Variants in TTC31 observed in about 807,000 individuals in gnomAD.
TTC31 encodes the protein tetratricopeptide repeat domain 31, also known as tetratricopeptide repeat protein 31.
A neutral mutation model predicts 60.4 loss-of-function variants in TTC31; 59 were observed. The observed-to-expected ratio is 0.98, with a 90% CI of 0.79 to 1.21. The LOEUF is 1.21. Ranked by LOEUF, TTC31 falls within the 50% of genes most tolerant of loss-of-function variation. TTC31 has a pLI of 0.00. For synonymous variants in TTC31, 225 were observed against 249.6 expected (o/e 0.90, Z 0.93); for missense variants, 672 against 646.9 (o/e 1.04, Z -0.42).
intron 1 of TTC31, 46 bp downstream of exon 1, chr2:74,483,181 AG>A (rs1375549943): frequency 6.2e-7 from 1 of 1,613,684 alleles, no homozygotes; most frequent in Non-Finnish European, 8.5e-7. Flanking sequence ...GGGCAGAGGC[AG>A]CCCCTCTTGG....
intron 5 of TTC31, 185 bp downstream of exon 5, chr2:74,490,924 C>T (rs1239374437): frequency 5.6e-6 from 5 of 885,970 alleles, no homozygotes; most frequent in Non-Finnish European, 8.7e-6. Context: ...GTTCTGGAAT[C>T]CTACTGTGCT....
At chr2:74,483,601 T>G in intron 2 of TTC31, 191 bp downstream of exon 2, 1 of 1,453,004 alleles carries the variant, frequency 6.9e-7, no homozygotes, top group South Asian at 1.4e-5. Flanking sequence ...ATGATCCTGA[T>G]GTAACAGATG....
intron 6 of TTC31, 50 bp from the exon 7 acceptor site, chr2:74,491,245 C>G (rs1293644853): frequency 1.2e-6 from 2 of 1,613,836 alleles, no homozygotes; most frequent in East Asian, 2.2e-5. Flanking sequence ...GCCAAGAAAG[C>G]AGGCAGCTCA....
intron 2 of TTC31, 32 bp from the exon 3 acceptor site, chr2:74,489,993 C>T: frequency 6.8e-7 from 1 of 1,466,560 alleles, no homozygotes; most frequent in Non-Finnish European, 9.3e-7. Context: ...GCCCCCAACA[C>T]CAGCCTCCCC....
At chr2:74,487,843 C>A (rs1673315095) in intron 2 of TTC31, among the ~76,000 whole-genome samples, 1 of 151,850 alleles carries the variant, frequency 6.6e-6, no homozygotes, top group South Asian at 2.1e-4. Context: ...CCATGCCCAG[C>A]TAATTTTTGT....
At chr2:74,492,778 G>A in intron 12 of TTC31, 31 bp downstream of exon 12, 5 of 1,609,138 alleles carry the variant, frequency 3.1e-6, no homozygotes, top group South Asian at 1.1e-5. Flanking sequence ...GTCATGCTGA[G>A]GCGGGTATCA....
Position 74,493,055 on chromosome 2 carries a change from G to A in TTC31, c.1397G>A (p.Gly466Asp). The change falls in exon 13 of 13, where the codon GGC becomes GAC. Residue 466 changes from glycine (G) to aspartate (D), a missense_variant. Gly to Asp is a moderately conservative substitution (Grantham distance 94). Coordinates refer to ENST00000233623, the MANE Select transcript of TTC31 (RefSeq NM_022492.6). ...CGAAGCACTGCTTTGAGGTCCCCTG[G>A]CCTGTCTCCACTCTTGCATTATCCT... ...CPRSTALRSPGLSPLLHYPSC... is the reference protein window; with the variant it reads ...CPRSTALRSPDLSPLLHYPSC... 1.9e-6 allele frequency: 3 copies of A among 1,614,096 alleles called. No individual in the cohort carries two copies. The highest frequency in any genetic ancestry group is 2.5e-6 in the Non-Finnish European group (3 of 1,180,004).
chr2:74,490,480 T>A lies in TTC31; in HGVS notation c.462+7T>A, dbSNP rs1327505052. 2 of 1,598,924 alleles carry A rather than the reference T, an allele frequency of 1.3e-6. No individual in the cohort carries two copies. The highest frequency in any genetic ancestry group is 1.7e-6 in the Non-Finnish European group (2 of 1,172,396). ...GCTCCTGGTGACAGAAGAGGTGAGA[T>A]TCTCAGGAGAGGGCTTTGCCGTCCC... On this transcript the variant is annotated splice_region_variant and intron_variant, in intron 4 of 12. Coordinates refer to ENST00000233623, the MANE Select transcript of TTC31 (RefSeq NM_022492.6).
chr2:74,491,454 C>T, intron 7 of TTC31, 27 bp from the exon 8 acceptor site: 2 of 1,612,274 alleles, frequency 1.2e-6, no homozygotes, highest in Non-Finnish European at 1.7e-6. Flanking sequence ...TCCCCACCCC[C>T]TCCCTAACTT....
chr2:74,491,188 A>T lies in TTC31; in HGVS notation c.603+4A>T. The T allele has an allele frequency of 6.2e-7, 1 of 1,614,142 alleles. No homozygotes were observed. The highest frequency in any genetic ancestry group is 8.5e-7 in the Non-Finnish European group (1 of 1,179,996). The stretch of plus-strand genomic sequence containing the variant: ...GCAGTACTGTGGGGAGCCCAAGGTG[A>T]GTATCTAGGGCAGGTACTAAGAGCA... On this transcript the variant is annotated splice_donor_region_variant and intron_variant, in intron 6 of 12. Coordinates refer to ENST00000233623, the MANE Select transcript of TTC31 (RefSeq NM_022492.6).
chr2:74,489,970 C>G (rs1358841158), intron 2 of TTC31, 55 bp from the exon 3 acceptor site: 6 of 1,317,280 alleles, frequency 4.6e-6, no homozygotes, highest in East Asian at 5.0e-5. Flanking sequence ...AGCCCTTGCT[C>G]TCTCCAGGAA....
Position 74,483,355 on chromosome 2 carries a change from T to A in TTC31, c.74T>A (p.Val25Asp). The A allele has an allele frequency of 2.5e-6, 4 of 1,614,066 alleles. No individual in the cohort carries two copies. Among genetic ancestry groups the A allele is most frequent in the Non-Finnish European group, 3.4e-6 (4 of 1,180,004 alleles). The change falls in exon 2 of 13, where the codon GTC (valine) becomes GAC (aspartate). Residue 25 changes from valine to aspartate, a missense_variant. By Grantham distance (152) the Val-to-Asp change is radical. Transcript: ENST00000233623. ...CTACGGCCCAGCTGCCCACTGGAGG[T>A]CGCTGCTGCACCCAAACTTTGCAAG... The part of the protein sequence containing the change: ...CSLRPSCPLE[V>D]AAAPKLCKEF...
chr2:74,493,291 C>A lies in TTC31; in HGVS notation c.*73C>A. The A allele has an allele frequency of 6.8e-7, 1 of 1,467,776 alleles. No individual in the cohort carries two copies. Among genetic ancestry groups the A allele is most frequent in the Non-Finnish European group, 9.3e-7 (1 of 1,071,950 alleles). 90.9% of individuals were successfully genotyped at this position (1,467,776 alleles called of 1,614,324 possible). ...TGGGGGACATAGTGTGGTGACAGTT[C>A]ACTGCATATTTTGAGACCTTATTCT... On this transcript the variant is annotated 3_prime_UTR_variant, in exon 13 of 13. Coordinates refer to ENST00000233623, the MANE Select transcript of TTC31 (RefSeq NM_022492.6).
chr2:74,491,524 G>A lies in TTC31; in HGVS notation c.728G>A (p.Arg243His), dbSNP rs769279902. Reference sequence around the variant, plus strand: ...AGCACTTTTGTGTCTCTGGCTTTGCGCAAGGTTGGGGATTGGCCCCTCAGT... The same window carrying A: ...AGCACTTTTGTGTCTCTGGCTTTGCACAAGGTTGGGGATTGGCCCCTCAGT... ...LSSTFVSLAL[R>H]KVGDWPLSAR... The change falls in exon 8 of 13, where the codon CGC becomes CAC. Residue 243 changes from arginine to histidine, a missense_variant. Arg to His is a conservative substitution (Grantham distance 29). Transcript: ENST00000233623. 3.1e-6 allele frequency: 5 copies of A among 1,613,112 alleles called. No individual in the cohort carries two copies. The highest frequency in any genetic ancestry group is 1.1e-5 in the South Asian group (1 of 91,076).
At position 74,493,216 on chromosome 2, in the gene TTC31, T is replaced by A; in HGVS notation, c.1558T>A (p.Ter520ArgextTer7). 1 of 1,614,064 alleles carries A rather than the reference T, an allele frequency of 6.2e-7. No individual in the cohort carries two copies. The highest frequency in any genetic ancestry group is 8.5e-7 in the Non-Finnish European group (1 of 1,179,980). Reference sequence around the variant, plus strand: ...GCTCCAGCATCTGTCTCAGGCCAGATGAGGGGGCACCGGTCCCTCATAGGG... The same window carrying A: ...GCTCCAGCATCTGTCTCAGGCCAGAAGAGGGGGCACCGGTCCCTCATAGGG... Reference protein sequence around the residue: ...LGLQHLSQAR* With the variant: ...LGLQHLSQARR Residue 520 changes from the stop codon to arginine, a stop_lost, in exon 13 of 13, where the codon TGA (stop) becomes AGA (arginine). Transcript: ENST00000233623.
intron 2 of TTC31, among the ~76,000 whole-genome samples, chr2:74,484,205 C>G (rs1369191709): frequency 1.3e-5 from 2 of 151,746 alleles, no homozygotes; most frequent in African/African-American, 4.8e-5. Flanking sequence ...CCACTGCACT[C>G]CAGCCTGGGC....
At chr2:74,483,539 C>G in intron 2 of TTC31, 129 bp downstream of exon 2, 2 of 1,538,130 alleles carry the variant, frequency 1.3e-6, no homozygotes, top group Non-Finnish European at 1.8e-6. Context: ...GTTGTAGTCT[C>G]CGGCCATGCC....
Position 74,491,383 on chromosome 2 carries a change from C to G in TTC31, c.684+8C>G, listed in dbSNP as rs200274899. Reference sequence around the variant, plus strand: ...CAGTGTGGTGAAGAAGAGGTGAGAGCCCCTTTTTTCCCTTCTTGGTCTCTG... The same window carrying G: ...CAGTGTGGTGAAGAAGAGGTGAGAGGCCCTTTTTTCCCTTCTTGGTCTCTG... On this transcript the variant is annotated splice_region_variant and intron_variant, in intron 7 of 12. Coordinates refer to ENST00000233623, the MANE Select transcript of TTC31 (RefSeq NM_022492.6). 2,600 of 1,614,182 alleles carry G rather than the reference C, an allele frequency of 1.6e-3. 6 individuals are homozygous for G. Among genetic ancestry groups the G allele is most frequent in the African/African-American group, 7.9e-3 (590 of 75,042 alleles).
chr2:74,483,100 C>G lies in TTC31; in HGVS notation c.5C>G (p.Ala2Gly), dbSNP rs374911106. The stretch of plus-strand genomic sequence containing the variant: ...TTCCGGGTCACTGTAGATGCGATGG[C>G]GCCGATTCCAAAGACTGTGGGGCGG... Reference protein sequence around the residue: MAPIPKTVGRIK... With the variant: MGPIPKTVGRIK... Residue 2 changes from alanine (A) to glycine (G), a missense_variant, in exon 1 of 13, where the codon GCG becomes GGG. Physicochemically the swap from Ala to Gly is moderately conservative, Grantham distance 60. Transcript: ENST00000233623. 1.2e-6 allele frequency: 2 copies of G among 1,614,104 alleles called. No homozygotes were observed. Among genetic ancestry groups the G allele is most frequent in the Non-Finnish European group, 1.7e-6 (2 of 1,180,050 alleles).
Sources: gnomAD v4.1 joint callset for allele counts (sites outside exome capture counted in the v4.1 genomes callset) on GRCh38, gnomAD v4.1.1 for gene constraint, MANE v1.5 for transcripts, NCBI Gene and HGNC (gene_info 2026-07-23, HGNC 2026-07-21) for gene names.